The following TM4SF5 variants were observed in gnomAD, a reference collection of about 807,000 sequenced individuals.
TM4SF5 encodes transmembrane 4 L6 family member 5.
In TM4SF5, 16 loss-of-function variants were observed where a neutral mutation model predicts 22.3. That is an observed-to-expected ratio of 0.72 (90% CI 0.49 to 1.09). The LOEUF is 1.09. Among genes scored for constraint, TM4SF5 ranks in the 50% least tolerant of loss-of-function variants. TM4SF5 has a pLI of 0.00. For synonymous variants in TM4SF5, 113 were observed against 109.6 expected, an observed-to-expected ratio of 1.03 and a Z score of -0.19; for missense variants, 249 against 266.1, an observed-to-expected ratio of 0.94 and a Z score of 0.45.
chr17:4,780,760 G>C (rs773045596), intron 1 of TM4SF5, 29 bp from the exon 2 acceptor site: 12 of 1,586,032 alleles, frequency 7.6e-6, no homozygotes, highest in Non-Finnish European at 1.0e-5. Context: ...CTGGGGGGAC[G>C]TGCTATAACA....
intron 1 of TM4SF5, among the ~76,000 whole-genome samples, chr17:4,777,205 A>G (rs1301369237): frequency 6.6e-6 from 1 of 151,704 alleles, no homozygotes; most frequent in Non-Finnish European, 1.5e-5. Context: ...TCAAAAAAAA[A>G]AAAAAAGAAA....
At chr17:4,774,443 G>T (rs544658686) in intron 1 of TM4SF5, among the ~76,000 whole-genome samples, 1 of 151,696 alleles carries the variant, frequency 6.6e-6, no homozygotes, top group Non-Finnish European at 1.5e-5. Flanking sequence ...GAATGGCAGC[G>T]TGTGCCTGTA....
intron 3 of TM4SF5, 53 bp downstream of exon 3, chr17:4,782,692 C>A: frequency 6.2e-7 from 1 of 1,606,408 alleles, no homozygotes; most frequent in Non-Finnish European, 8.5e-7. Flanking sequence ...TCCCTCCCGC[C>A]CTTCCCCCGT....
chr17:4,782,638 G>A lies in TM4SF5; in HGVS notation c.394G>A (p.Ala132Thr), dbSNP rs1917333926. ...GTGGGGCTACCACTTCGAAGACACC[G>A]CGTAAGGTTTAGCCTGTATTCGTGT... is the stretch of plus-strand genomic sequence containing the variant. Reference protein sequence around the residue: ...GEWGYHFEDTAGAYLLNRTLW... With the variant: ...GEWGYHFEDTTGAYLLNRTLW... The change falls in exon 3 of 5, where the codon GCG becomes ACG. Residue 132 changes from alanine to threonine, a missense_variant and splice_region_variant. Coordinates refer to ENST00000270560, the MANE Select transcript of TM4SF5 (RefSeq NM_003963.3). 6.2e-7 allele frequency: 1 copy of A among 1,614,138 alleles called. No homozygotes were observed. Among genetic ancestry groups the A allele is most frequent in the East Asian group, 2.2e-5 (1 of 44,874 alleles).
At chr17:4,782,730 C>G (rs1917336180) in intron 3 of TM4SF5, 91 bp downstream of exon 3, 5 of 1,581,648 alleles carry the variant, frequency 3.2e-6, no homozygotes, top group Non-Finnish European at 4.3e-6. Flanking sequence ...CGGGACTCGA[C>G]TTCGAGGGCA....
At chr17:4,782,693 C>G (rs1917335120) in intron 3 of TM4SF5, 54 bp downstream of exon 3, 2 of 1,605,842 alleles carry the variant, frequency 1.2e-6, no homozygotes, top group South Asian at 1.1e-5. Flanking sequence ...CCCTCCCGCC[C>G]TTCCCCCGTG....
In TM4SF5 at chr17:4,774,416, C is replaced by T. The variant is rs142042678; in HGVS notation, c.177+2317C>T. On this transcript the variant is annotated intron_variant, in intron 1 of 4. Coordinates refer to ENST00000270560, the MANE Select transcript of TM4SF5 (RefSeq NM_003963.3). ...ACCAGCACCTTGCACTAAACAGACA[C>T]CCAATTAATAGTCATGGAATGGCAG... is the stretch of plus-strand genomic sequence containing the variant. 3.1e-3 allele frequency among the ~76,000 whole-genome samples: 479 copies of T among 152,170 alleles called. 1 individual carries two copies. The highest frequency in any genetic ancestry group is 0.011 in the African/African-American group (453 of 41,508).
intron 1 of TM4SF5, among the ~76,000 whole-genome samples, chr17:4,774,671 G>T (rs1383881471): frequency 6.6e-6 from 1 of 152,192 alleles, no homozygotes; most frequent in Non-Finnish European, 1.5e-5. Context: ...ACTTTGGGAG[G>T]CTGAGGCAGG....
chr17:4,780,979 G>A (rs747209495), intron 2 of TM4SF5, 110 bp downstream of exon 2: 7 of 889,472 alleles, frequency 7.9e-6, no homozygotes, highest in Non-Finnish European at 1.2e-5. Context: ...AGGAGTTCTA[G>A]ACCAGCCCAG....
In TM4SF5 at chr17:4,771,964, C is replaced by T. The variant is rs370279531; in HGVS notation, c.42C>T (p.Leu14=). The change falls in exon 1 of 5, where the codon CTC becomes CTT. Residue 14 remains leucine (L), a synonymous_variant. Transcript: ENST00000270560. ...GTGCCCGCTGTGTGGGGCTCTCCCT[C>T]ATTACCCTCTGCCTCGTCTGCATTG... ...GKCARCVGLS[L]ITLCLVCIVA... is the part of the protein sequence containing the mutation. The T allele has an allele frequency of 1.5e-5, 24 of 1,614,090 alleles. No homozygotes were observed. Among genetic ancestry groups the T allele is most frequent in the Non-Finnish European group, 1.5e-5 (18 of 1,180,050 alleles).
intron 1 of TM4SF5, among the ~76,000 whole-genome samples, chr17:4,773,148 G>A (rs551577923): frequency 9.8e-4 from 149 of 152,008 alleles, no homozygotes; most frequent in African/African-American, 3.5e-3. Flanking sequence ...CAGGTGATCC[G>A]CCCCCCTCGG....
chr17:4,781,817 G>C (rs1034232809), intron 2 of TM4SF5, among the ~76,000 whole-genome samples: 1 of 151,836 alleles, frequency 6.6e-6, no homozygotes, highest in Non-Finnish European at 1.5e-5. Flanking sequence ...GCCCAGCCTC[G>C]AGTCAGGTTT....
chr17:4,772,300 G>A (rs73339919), intron 1 of TM4SF5, among the ~76,000 whole-genome samples: 17,930 of 152,142 alleles, frequency 0.12, 1,406 homozygotes, highest in African/African-American at 0.22. Context: ...GCACAGAAAG[G>A]ACGAGAGCCT....
At chr17:4,773,975 G>A (rs1017796950) in intron 1 of TM4SF5, among the ~76,000 whole-genome samples, 7 of 152,232 alleles carry the variant, frequency 4.6e-5, no homozygotes, top group African/African-American at 1.7e-4. Context: ...CAACACTTTG[G>A]GAGGCCGAGG....
chr17:4,774,855 C>T (rs1455532471), intron 1 of TM4SF5, among the ~76,000 whole-genome samples: 1 of 151,842 alleles, frequency 6.6e-6, no homozygotes, highest in Non-Finnish European at 1.5e-5. Flanking sequence ...TGCAGTGAAC[C>T]AAGATTGCAC....
intron 1 of TM4SF5, among the ~76,000 whole-genome samples, chr17:4,779,168 T>G (rs1197602466): frequency 6.6e-6 from 1 of 151,994 alleles, no homozygotes; most frequent in Non-Finnish European, 1.5e-5. Flanking sequence ...CCAGATGCAG[T>G]GACTTACACC....
At chr17:4,773,537 G>C (rs1917154968) in intron 1 of TM4SF5, among the ~76,000 whole-genome samples, 1 of 152,176 alleles carries the variant, frequency 6.6e-6, no homozygotes, top group Admixed American at 6.6e-5. Context: ...CTCCAGGGGA[G>C]AGCTCCCCTT....
intron 3 of TM4SF5, 96 bp from the exon 4 acceptor site, chr17:4,782,758 A>T (rs1917337245): frequency 6.4e-7 from 1 of 1,570,432 alleles, no homozygotes; most frequent in African/African-American, 1.3e-5. Context: ...CACGTGGGCT[A>T]CCTGGGCCTT....
chr17:4,780,973 G>A (rs1390806879), intron 2 of TM4SF5, 104 bp downstream of exon 2: 1 of 930,768 alleles, frequency 1.1e-6, no homozygotes, highest in Non-Finnish European at 1.7e-6. Context: ...TGAGCCAGGA[G>A]TTCTAGACCA....
Sources: allele counts gnomAD v4.1 joint callset (sites outside exome capture counted in the v4.1 genomes callset), GRCh38; gene constraint gnomAD v4.1.1; transcripts MANE v1.5; gene names NCBI Gene and HGNC (gene_info 2026-07-23, HGNC 2026-07-21).